CCDC85A: variants seen among roughly 807,000 people sequenced by gnomAD.
CCDC85A encodes coiled-coil domain-containing protein 85A.
A neutral mutation model predicts 50.2 loss-of-function variants in CCDC85A; 38 were observed. The ratio of observed to expected loss-of-function variants is 0.76; its 90% confidence interval spans 0.58 to 0.99. The LOEUF is 0.99. Ranked by LOEUF, CCDC85A falls within the 50% of genes least tolerant of loss-of-function variation. The probability of loss-of-function intolerance (pLI) is 0.00; values close to 1 mark genes in which losing one functional copy is unlikely to be tolerated. For missense variants in CCDC85A, 820 were observed against 742.0 expected (o/e 1.11, Z -1.22); for synonymous variants, 366 against 301.4 (o/e 1.21, Z -2.22).
chr2:56,227,637 A>G (rs1006989608), intron 2 of CCDC85A, among the ~76,000 whole-genome samples: 1 of 152,074 alleles, frequency 6.6e-6, no homozygotes. Context: ...CTTCTGAAAT[A>G]TTATAGCCCA....
chr2:56,267,207 C>T (rs1194870043), intron 2 of CCDC85A, among the ~76,000 whole-genome samples: 1 of 152,190 alleles, frequency 6.6e-6, no homozygotes, highest in Non-Finnish European at 1.5e-5. Context: ...TCTTCCACCC[C>T]CCAGACCCCA....
intron 2 of CCDC85A, among the ~76,000 whole-genome samples, chr2:56,244,091 C>G (rs777762341): frequency 6.6e-6 from 1 of 152,170 alleles, no homozygotes; most frequent in East Asian, 1.9e-4. Context: ...TATGTTCACT[C>G]AAGACACTAG....
At chr2:56,239,600 G>T in intron 2 of CCDC85A, among the ~76,000 whole-genome samples, 1 of 152,166 alleles carries the variant, frequency 6.6e-6, no homozygotes, top group East Asian at 1.9e-4. Context: ...TTCATTTTAT[G>T]ATGATGATTC....
At chr2:56,375,787 A>T (rs1426694730) in intron 4 of CCDC85A, 29 bp from the exon 5 acceptor site, 1 of 1,609,496 alleles carries the variant, frequency 6.2e-7, no homozygotes, top group African/African-American at 1.3e-5. Flanking sequence ...CTTTTGTTTT[A>T]ATAACAAAGT....
chr2:56,237,447 CA>C (rs1669068950), intron 2 of CCDC85A, among the ~76,000 whole-genome samples: 1 of 152,028 alleles, frequency 6.6e-6, no homozygotes, highest in African/African-American at 2.4e-5. Context: ...TACATGAATA[CA>C]GAAGAAAAAA....
At chr2:56,286,834 TCTTTGAAA>T (rs1479653973) in intron 2 of CCDC85A, among the ~76,000 whole-genome samples, 1 of 152,230 alleles carries the variant, frequency 6.6e-6, no homozygotes, top group Non-Finnish European at 1.5e-5. Context: ...TATGTTGTGT[TCTTTGAAA>T]GGAAATTGAA....
At chr2:56,209,889 A>G (rs1383715135) in intron 2 of CCDC85A, among the ~76,000 whole-genome samples, 2 of 152,044 alleles carry the variant, frequency 1.3e-5, no homozygotes, top group African/African-American at 4.8e-5. Flanking sequence ...TTGAGCTTAT[A>G]TGTATGACTT....
intron 3 of CCDC85A, among the ~76,000 whole-genome samples, chr2:56,363,417 T>A (rs537897786): frequency 5.9e-5 from 9 of 152,336 alleles, no homozygotes; most frequent in African/African-American, 1.9e-4. Flanking sequence ...GTGGCATGGG[T>A]AGACCTACAG....
chr2:56,306,194 A>G (rs1672437278), intron 2 of CCDC85A, among the ~76,000 whole-genome samples: 1 of 151,964 alleles, frequency 6.6e-6, no homozygotes, highest in Non-Finnish European at 1.5e-5. Context: ...CAATGGTGCA[A>G]TCTCAGCTCA....
intron 2 of CCDC85A, among the ~76,000 whole-genome samples, chr2:56,221,483 C>T (rs1668327383): frequency 6.6e-6 from 1 of 151,862 alleles, no homozygotes; most frequent in Non-Finnish European, 1.5e-5. Flanking sequence ...TTGAATTTTG[C>T]TTACTAAGAG....
At chr2:56,240,163 G>A (rs1345036594) in intron 2 of CCDC85A, among the ~76,000 whole-genome samples, 4 of 152,078 alleles carry the variant, frequency 2.6e-5, no homozygotes, top group African/African-American at 9.7e-5. Context: ...ATTAGTAGTT[G>A]CTCCCCGTTT....
intron 2 of CCDC85A, among the ~76,000 whole-genome samples, chr2:56,275,126 G>T (rs1670868775): frequency 6.6e-6 from 1 of 151,890 alleles, no homozygotes; most frequent in Admixed American, 6.5e-5. Context: ...TTGTTAGTGG[G>T]GGTCGGGGGG....
At chr2:56,327,903 G>A (rs1573267423) in intron 2 of CCDC85A, among the ~76,000 whole-genome samples, 1 of 148,094 alleles carries the variant, frequency 6.8e-6, no homozygotes, top group Middle Eastern at 3.5e-3. Context: ...AATATTTACT[G>A]AATGCCTGCT....
intron 2 of CCDC85A, among the ~76,000 whole-genome samples, chr2:56,321,825 G>A (rs542132190): frequency 1.3e-5 from 2 of 152,082 alleles, no homozygotes; most frequent in African/African-American, 2.4e-5. Flanking sequence ...AAAAGAGCCC[G>A]CATTGCCAAG....
intron 2 of CCDC85A, among the ~76,000 whole-genome samples, chr2:56,314,980 G>A (rs115392580): frequency 0.027 from 4,175 of 152,126 alleles, 104 homozygotes; most frequent in Non-Finnish European, 0.041. Flanking sequence ...CCTGGTGTTG[G>A]TCTTAAAGTC....
intron 2 of CCDC85A, among the ~76,000 whole-genome samples, chr2:56,251,339 TG>T (rs377459286): frequency 6.6e-6 from 1 of 152,192 alleles, no homozygotes; most frequent in African/African-American, 2.4e-5. Context: ...CTGAAAATGT[TG>T]GGCCCATATG....
At chr2:56,254,987 C>T (rs909670206) in intron 2 of CCDC85A, among the ~76,000 whole-genome samples, 2 of 152,158 alleles carry the variant, frequency 1.3e-5, no homozygotes, top group Non-Finnish European at 2.9e-5. Context: ...AATGATGTAG[C>T]TTGGTGAGGA....
rs1312777885 is a variant in CCDC85A at position 56,384,461 on chromosome 2, A to G, written c.*106A>G. 4.4e-6 allele frequency: 4 copies of G among 910,150 alleles called. No individual in the cohort carries two copies. The highest frequency in any genetic ancestry group is 2.5e-5 in the East Asian group (1 of 39,720). The allele number at this position is 910,150 out of a possible 1,614,324, so 56.4% of individuals were successfully genotyped here. ...CACAAACCTGGACTCATGGAATAAC[A>G]TGGAGTGATTGTACATTGCACATAT... On this transcript the variant is annotated 3_prime_UTR_variant, in exon 6 of 6. Transcript: ENST00000407595.
At chr2:56,300,084 A>G (rs1191910946) in intron 2 of CCDC85A, among the ~76,000 whole-genome samples, 1 of 152,204 alleles carries the variant, frequency 6.6e-6, no homozygotes, top group East Asian at 1.9e-4. Context: ...GAGAGTACAC[A>G]TAGATCTAGG....
Sources: allele counts gnomAD v4.1 joint callset (sites outside exome capture counted in the v4.1 genomes callset), GRCh38; gene constraint gnomAD v4.1.1; transcripts MANE v1.5; gene names NCBI Gene and HGNC (gene_info 2026-07-23, HGNC 2026-07-21).